Variants in LMO7 observed in about 807,000 individuals in gnomAD.
LMO7 encodes LIM domain only protein 7.
A neutral mutation model predicts 206.5 loss-of-function variants in LMO7; 120 were observed. The observed-to-expected ratio is 0.58, with a 90% CI of 0.50 to 0.68. The LOEUF is 0.68. Ranked by LOEUF, LMO7 falls within the 30% of genes least tolerant of loss-of-function variation. The pLI, the probability that LMO7 is intolerant of heterozygous loss-of-function variation, is 0.00. For synonymous variants in LMO7, 706 were observed against 681.5 expected (o/e 1.04, Z -0.56); for missense variants, 1,959 against 1,957.9 (o/e 1.00, Z -0.01).
At chr13:75,719,620 C>T (rs1040482036) in intron 2 of LMO7, among the ~76,000 whole-genome samples, 1 of 152,170 alleles carries the variant, frequency 6.6e-6, no homozygotes, top group Non-Finnish European at 1.5e-5. Context: ...CTGTCCTTCT[C>T]TGCCACGGTA....
At chr13:75,784,152 A>G (rs941652698) in intron 4 of LMO7, among the ~76,000 whole-genome samples, 92 of 152,294 alleles carry the variant, frequency 6.0e-4, no homozygotes, top group Non-Finnish European at 5.0e-4. Context: ...CTTAACATCC[A>G]CAATGCATAG....
chr13:75,766,188 A>T (rs1303594483), intron 4 of LMO7, among the ~76,000 whole-genome samples: 1 of 150,712 alleles, frequency 6.6e-6, no homozygotes, highest in Admixed American at 6.6e-5. Context: ...TGTTGACTTA[A>T]TCCAACTTTT....
At chr13:75,625,045 C>A (rs2033847345) in intron 2 of LMO7, among the ~76,000 whole-genome samples, 1 of 152,198 alleles carries the variant, frequency 6.6e-6, no homozygotes, top group African/African-American at 2.4e-5. Context: ...AGGAAGTAAT[C>A]ATGGCCTTTT....
At chr13:75,624,560 G>A (rs2138678324) in intron 2 of LMO7, among the ~76,000 whole-genome samples, 1 of 152,330 alleles carries the variant, frequency 6.6e-6, no homozygotes, top group Non-Finnish European at 1.5e-5. Context: ...TGCTGATAAA[G>A]ACATACCTGA....
intron 8 of LMO7, 174 bp from the exon 9 acceptor site, chr13:75,805,305 A>T: frequency 1.1e-6 from 1 of 927,594 alleles, no homozygotes; most frequent in Non-Finnish European, 1.6e-6. Flanking sequence ...TCCTTGAGTT[A>T]AAATGAGATG....
At chr13:75,644,960 T>C (rs2036883746) in intron 1 of LMO7, among the ~76,000 whole-genome samples, 1 of 152,226 alleles carries the variant, frequency 6.6e-6, no homozygotes, top group South Asian at 2.1e-4. Context: ...AATTGCCGAC[T>C]TTAGGTTTAT....
At chr13:75,684,715 T>A (rs1366489638) in intron 1 of LMO7, among the ~76,000 whole-genome samples, 1 of 152,012 alleles carries the variant, frequency 6.6e-6, no homozygotes, top group African/African-American at 2.4e-5. Context: ...GGGCTGGAAT[T>A]GAAACAGTTG....
At chr13:75,830,619 C>T (rs2058569286) in intron 15 of LMO7, among the ~76,000 whole-genome samples, 1 of 152,140 alleles carries the variant, frequency 6.6e-6, no homozygotes, top group African/African-American at 2.4e-5. Flanking sequence ...TCTGTTAAGC[C>T]TTTCAAAGAG....
At chr13:75,671,559 T>A (rs769976727) in intron 1 of LMO7, among the ~76,000 whole-genome samples, 38 of 152,296 alleles carry the variant, frequency 2.5e-4, no homozygotes, top group Non-Finnish European at 4.4e-4. Context: ...CCCAAGCCAG[T>A]TAACAAACCT....
intron 4 of LMO7, among the ~76,000 whole-genome samples, chr13:75,794,763 G>C (rs1387090619): frequency 6.6e-6 from 1 of 152,104 alleles, no homozygotes. Flanking sequence ...TCTCCCATAA[G>C]TATCATGCCC....
chr13:75,786,880 C>T (rs182937399), intron 4 of LMO7, among the ~76,000 whole-genome samples: 143 of 152,244 alleles, frequency 9.4e-4, no homozygotes, highest in Non-Finnish European at 1.7e-3. Flanking sequence ...AAAACCAAAG[C>T]CTACTATTTT....
intron 11 of LMO7, among the ~76,000 whole-genome samples, chr13:75,815,073 C>G (rs2056835788): frequency 6.6e-6 from 1 of 152,012 alleles, no homozygotes; most frequent in Non-Finnish European, 1.5e-5. Context: ...ATACCATGAT[C>G]TGAGTGCAGT....
intron 27 of LMO7, among the ~76,000 whole-genome samples, chr13:75,850,292 G>C (rs78801435): frequency 8.6e-4 from 131 of 152,256 alleles, no homozygotes; most frequent in African/African-American, 2.9e-3. Context: ...ATTGTATATG[G>C]AAATAGGAGT....
At chr13:75,811,425 C>G in intron 11 of LMO7, among the ~76,000 whole-genome samples, 1 of 152,106 alleles carries the variant, frequency 6.6e-6, no homozygotes, top group East Asian at 1.9e-4. Flanking sequence ...GGCTTTTAAT[C>G]TAGAACTTGT....
chr13:75,781,132 C>CTTTTTTTT (rs2051336985), intron 4 of LMO7, among the ~76,000 whole-genome samples: 1 of 42,166 alleles, frequency 2.4e-5, no homozygotes, highest in Non-Finnish European at 4.6e-5. Context: ...TTTTTTTTTT[C>CTTTTTTTT]TTTTATTATT....
intron 1 of LMO7, among the ~76,000 whole-genome samples, chr13:75,702,788 G>A (rs2042367103): frequency 6.6e-6 from 1 of 152,152 alleles, no homozygotes; most frequent in Non-Finnish European, 1.5e-5. Context: ...TATATAGCAG[G>A]TTGTCATTAA....
At chr13:75,786,158 A>T (rs1225539876) in intron 4 of LMO7, among the ~76,000 whole-genome samples, 3 of 151,906 alleles carry the variant, frequency 2.0e-5, no homozygotes, top group African/African-American at 7.3e-5. Context: ...CAACATCATT[A>T]CATTGTCATA....
intron 1 of LMO7, among the ~76,000 whole-genome samples, chr13:75,701,840 T>C (rs2042304182): frequency 6.6e-6 from 1 of 152,226 alleles, no homozygotes; most frequent in South Asian, 2.1e-4. Flanking sequence ...GTGTTTTCGG[T>C]GAACTTACCT....
chr13:75,676,556 A>T (rs770558511), intron 1 of LMO7, among the ~76,000 whole-genome samples: 4 of 152,144 alleles, frequency 2.6e-5, no homozygotes, highest in Non-Finnish European at 4.4e-5. Flanking sequence ...AATTCTGTGA[A>T]TGTCTCTCTC....
Sources: gnomAD v4.1 joint callset for allele counts (sites outside exome capture counted in the v4.1 genomes callset) on GRCh38, gnomAD v4.1.1 for gene constraint, MANE v1.5 for transcripts, NCBI Gene and HGNC (gene_info 2026-07-23, HGNC 2026-07-21) for gene names.